INTS12: variants seen among roughly 807,000 people sequenced by gnomAD.
The protein encoded by INTS12 is PHD finger protein 22.
A neutral mutation model predicts 41.6 loss-of-function variants in INTS12; 13 were observed. The ratio of observed to expected loss-of-function variants is 0.31; its 90% CI spans 0.20 to 0.50. The LOEUF (loss-of-function observed/expected upper bound fraction) is 0.50. Ranked by LOEUF, INTS12 falls within the 20% of genes least tolerant of loss-of-function variation. The probability of loss-of-function intolerance (pLI) is 0.98; values close to 1 mark genes in which losing one functional copy is unlikely to be tolerated. For synonymous variants in INTS12, 199 were observed against 191.4 expected (o/e 1.04, Z -0.33); for missense variants, 432 against 541.6 (o/e 0.80, Z 2.01).
Position 105,692,108 on chromosome 4 carries a change from T to C in INTS12, c.525A>G (p.Gln175=). The part of the protein sequence containing the change: ...CRQMMVASGN[Q]LVECQECHNL... ...TATGGCACTCCTGACATTCTACTAA[T>C]TGATTGCCAGATGCCACCATCATTT... is the stretch of plus-strand genomic sequence containing the variant. Residue 175 remains glutamine (Q), a synonymous_variant, in exon 6 of 8, where the codon CAA becomes CAG. Coordinates refer to ENST00000340139, the MANE Select transcript of INTS12 (RefSeq NM_020395.4). 6.2e-7 allele frequency: 1 copy of C among 1,611,060 alleles called. No individual in the cohort carries two copies. The highest frequency in any genetic ancestry group is 8.5e-7 in the Non-Finnish European group (1 of 1,178,798).
rs1447640585 is a variant in INTS12, at chr4:105,692,027, G to A, written c.606C>T (p.Asp202=). ...KPQVTDKEAN[D]PRLVWYCARC... Reference sequence around the variant, plus strand: ...GGGCACAATACCACACCAGGCGAGGGTCATTCGCTTCCTTGTCTGTCACCT... The same window carrying A: ...GGGCACAATACCACACCAGGCGAGGATCATTCGCTTCCTTGTCTGTCACCT... Residue 202 remains aspartate, a synonymous_variant, in exon 6 of 8, where the codon GAC becomes GAT. Coordinates refer to ENST00000340139, the MANE Select transcript of INTS12 (RefSeq NM_020395.4). 2 of 1,608,928 alleles carry A rather than the reference G, an allele frequency of 1.2e-6. No homozygotes were observed. The highest frequency in any genetic ancestry group is 2.2e-5 in the East Asian group (1 of 44,600).
intron 2 of INTS12, among the ~76,000 whole-genome samples, chr4:105,703,430 T>A (rs1435864442): frequency 1.3e-5 from 2 of 152,170 alleles, no homozygotes; most frequent in Non-Finnish European, 2.9e-5. Flanking sequence ...TGAACAATGA[T>A]CTTTTTTCTG....
chr4:105,691,133 C>T lies in INTS12; in HGVS notation c.657+843G>A, dbSNP rs1293835302. 2.4e-4 allele frequency among the ~76,000 whole-genome samples: 37 copies of T among 152,134 alleles called. 1 individual carries two copies. The highest frequency in any genetic ancestry group is 2.2e-3 in the Admixed American group (34 of 15,274). ...CCGAGTTTTTACTTTTAACTAAGTA[C>T]TTCTGACCTTTAAAAGATATATTGG... On this transcript the variant is annotated intron_variant, in intron 6 of 7. Transcript: ENST00000340139.
rs762981236 is a variant in INTS12 at position 105,683,254 on chromosome 4, A to G, written c.868T>C (p.Leu290=). 118 of 1,614,056 alleles carry G rather than the reference A, an allele frequency of 7.3e-5. 3 individuals are homozygous for G. The South Asian group carries it at 1.2e-3, about 17-fold the overall frequency. ...ASVSSSVTSG[L]TGWAAFAAKT... ...GCTGCAAAAGCTGCCCATCCAGTTA[A>G]GCCACTAGTTACTGACGAGGAAACG... Residue 290 remains leucine (L), a synonymous_variant, in exon 8 of 8, where the codon TTA becomes CTA. Transcript: ENST00000340139.
At chr4:105,700,706 A>AACACACACACACACACACACACACAC (rs767514862) in intron 2 of INTS12, among the ~76,000 whole-genome samples, 87 of 134,804 alleles carry the variant, frequency 6.5e-4, no homozygotes, top group African/African-American at 1.1e-3. Flanking sequence ...ATCTACTTAA[A>AACACACACACACACACACACACACAC]ACACACACAC....
intron 1 of INTS12, chr4:105,706,013 C>A (rs1260291736): frequency 6.6e-6 from 1 of 152,142 alleles, no homozygotes; most frequent in African/African-American, 2.4e-5. Context: ...CTTCCAATTT[C>A]ATAAAACTTT....
chr4:105,697,900 A>G (rs1731924622), intron 3 of INTS12, among the ~76,000 whole-genome samples: 1 of 152,112 alleles, frequency 6.6e-6, no homozygotes. Flanking sequence ...ATATAAAAAA[A>G]TTAGCCAAGC....
intron 3 of INTS12, among the ~76,000 whole-genome samples, chr4:105,696,586 C>A (rs1265473457): frequency 6.6e-6 from 1 of 152,068 alleles, no homozygotes; most frequent in Non-Finnish European, 1.5e-5. Flanking sequence ...GAATAGACTA[C>A]AATTTATTTA....
At chr4:105,691,139 A>T (rs1731668463) in intron 6 of INTS12, among the ~76,000 whole-genome samples, 2 of 152,300 alleles carry the variant, frequency 1.3e-5, no homozygotes, top group South Asian at 4.1e-4. Flanking sequence ...AGTACTTCTG[A>T]CCTTTAAAAG....
chr4:105,707,563 CA>C (rs200982175), intron 1 of INTS12, among the ~76,000 whole-genome samples: 5 of 151,776 alleles, frequency 3.3e-5, no homozygotes, highest in South Asian at 2.1e-4. Flanking sequence ...CCTGCCCCCA[CA>C]AAAAAAACTC....
chr4:105,690,839 T>C (rs182158639), intron 6 of INTS12, among the ~76,000 whole-genome samples: 1 of 152,334 alleles, frequency 6.6e-6, no homozygotes, highest in East Asian at 1.9e-4. Context: ...TTTCCAATTC[T>C]TAGTGGTTTC....
chr4:105,697,036 G>A lies in INTS12; in HGVS notation c.157-1368C>T, dbSNP rs181312144. ...GATAAAATATTTTGCCCATTTAAAA[G>A]AAATGAATCTGTTTGTTTTATTACT... On this transcript the variant is annotated intron_variant, in intron 3 of 7. Transcript: ENST00000340139. Among the ~76,000 whole-genome samples the A allele has an allele frequency of 3.8e-3, 571 of 152,250 alleles. 4 individuals are homozygous for A. Among genetic ancestry groups the A allele is most frequent in the South Asian group, 0.02 (97 of 4,820 alleles).
intron 6 of INTS12, among the ~76,000 whole-genome samples, chr4:105,688,230 G>A (rs1293665041): frequency 3.9e-5 from 6 of 152,042 alleles, no homozygotes; most frequent in East Asian, 1.9e-4. Flanking sequence ...CATACTGAAC[G>A]GGGAAAGATG....
Position 105,682,884 on chromosome 4 carries a change from C to G in INTS12, c.1238G>C (p.Ser413Thr). 1 of 1,614,078 alleles carries G rather than the reference C, an allele frequency of 6.2e-7. No individual in the cohort carries two copies. Among genetic ancestry groups the G allele is most frequent in the South Asian group, 1.1e-5 (1 of 91,080 alleles). Residue 413 changes from serine (S) to threonine (T), a missense_variant, in exon 8 of 8, where the codon AGT becomes ACT. This residue lies in a region of INTS12 where 258 missense variants were observed against 309.9 expected (regional missense o/e 0.83). Coordinates refer to ENST00000340139, the MANE Select transcript of INTS12 (RefSeq NM_020395.4). Reference protein sequence around the residue: ...GNGNSGTSGPSGSTTSKTTSE... With the variant: ...GNGNSGTSGPTGSTTSKTTSE... ...AGTAGTTTTGCTGGTAGTACTTCCA[C>G]TAGGTCCTGATGTTCCACTATTTCC...
intron 1 of INTS12, among the ~76,000 whole-genome samples, chr4:105,704,264 C>T (rs1239233732): frequency 1.3e-5 from 2 of 152,194 alleles, no homozygotes; most frequent in Admixed American, 6.5e-5. Flanking sequence ...GATTGTCCCT[C>T]CTACTTCTTT....
Position 105,693,449 on chromosome 4 carries a change from T to G in INTS12, c.347A>C (p.Lys116Thr). 1 of 1,613,584 alleles carries G rather than the reference T, an allele frequency of 6.2e-7. No individual in the cohort carries two copies. Among genetic ancestry groups the G allele is most frequent in the South Asian group, 1.1e-5 (1 of 90,992 alleles). ...SDITEGVDIP[K>T]KPRLEKPETQ... Reference sequence around the variant, plus strand: ...TTCTGGTTTCTCCAATCTAGGTTTCTTTGGAATATCAACTCCTTCAGTGAT... The same window carrying G: ...TTCTGGTTTCTCCAATCTAGGTTTCGTTGGAATATCAACTCCTTCAGTGAT... The change falls in exon 5 of 8, where the codon AAG becomes ACG. Residue 116 changes from lysine to threonine, a missense_variant. Lys to Thr is a moderately conservative substitution (Grantham distance 78). Transcript: ENST00000340139.
rs142455399 is a variant in INTS12 at position 105,705,026 on chromosome 4, T to G, written c.-171-1217A>C. ...AAAATCCTTTTATCACTTCTCACAATCCAAAGGTTCAAGAATAAGATTCTT... is the reference window on the plus strand; with the variant it reads ...AAAATCCTTTTATCACTTCTCACAAGCCAAAGGTTCAAGAATAAGATTCTT... On this transcript the variant is annotated intron_variant, in intron 1 of 7. Coordinates refer to ENST00000340139, the MANE Select transcript of INTS12 (RefSeq NM_020395.4). 5.1e-4 allele frequency among the ~76,000 whole-genome samples: 78 copies of G among 152,252 alleles called. No homozygotes were observed. In the East Asian group the frequency reaches 0.012, roughly 24 times the overall value.
At position 105,691,968 on chromosome 4, in the gene INTS12, A is replaced by T; in HGVS notation, c.657+8T>A. ...ACTGTTTAAAATAAAGAAAAATATG[A>T]TTCCTACCATTCTTTTCATTTGTCT... On this transcript the variant is annotated splice_region_variant and intron_variant, in intron 6 of 7. Transcript: ENST00000340139. 1 of 1,512,502 alleles carries T rather than the reference A, an allele frequency of 6.6e-7. No homozygotes were observed. The highest frequency in any genetic ancestry group is 8.9e-7 in the Non-Finnish European group (1 of 1,129,900). The allele number at this position is 1,512,502 out of a possible 1,614,324, so 93.7% of individuals were successfully genotyped here. A position where few individuals can be genotyped will look rare whatever the true frequency, so the allele number is the denominator to read the frequency against.
At chr4:105,687,969 G>GA (rs545711982) in intron 6 of INTS12, among the ~76,000 whole-genome samples, 268 of 149,244 alleles carry the variant, frequency 1.8e-3, no homozygotes, top group Non-Finnish European at 3.4e-3. Context: ...AACAACAACA[G>GA]AAAAAAAAAC....
Sources: gnomAD v4.1 joint callset for allele counts (sites outside exome capture counted in the v4.1 genomes callset) on GRCh38, gnomAD v4.1.1 for gene constraint, gnomAD v4.1.1 regional missense constraint, MANE v1.5 for transcripts, NCBI Gene and HGNC (gene_info 2026-07-23, HGNC 2026-07-21) for gene names.